Variants in JPH1 observed in about 807,000 individuals in gnomAD.
JPH1 encodes junctophilin-1.
In JPH1, 12 loss-of-function variants were observed where a neutral mutation model predicts 53.6. That is an observed-to-expected ratio of 0.22 (90% confidence interval 0.14 to 0.36). The LOEUF (loss-of-function observed/expected upper bound fraction) is 0.36. JPH1 is among the 10% of genes least tolerant of loss of function. The probability of loss-of-function intolerance (pLI) is 1.00; values close to 1 mark genes in which losing one functional copy is unlikely to be tolerated. For synonymous variants in JPH1, 375 were observed against 363.8 expected (o/e 1.03, Z -0.35); for missense variants, 808 against 905.5 (o/e 0.89, Z 1.38).
At position 74,320,123 on chromosome 8, in the gene JPH1, G is replaced by A. The variant is rs1248513183; in HGVS notation, c.379+786C>T. 3.9e-5 allele frequency among the ~76,000 whole-genome samples: 6 copies of A among 152,162 alleles called. No homozygotes were observed. The East Asian group carries it at 9.6e-4, about 24-fold the overall frequency. ...ACTTAGCAGCTATAGGAACACACCT[G>A]CTAATTGTATTCTTTAAAATGTAGA... On this transcript the variant is annotated intron_variant, in intron 1 of 5. Transcript: ENST00000342232. The surrounding 1 kb of genome is among the most constrained non-coding windows in gnomAD (Gnocchi z 4.4).
intron 2 of JPH1, among the ~76,000 whole-genome samples, chr8:74,291,924 G>C (rs1392200761): frequency 1.3e-5 from 2 of 152,090 alleles, no homozygotes; most frequent in Non-Finnish European, 2.9e-5. Flanking sequence ...ACTATCGCAA[G>C]GACAGAAAAC....
chr8:74,289,528 T>C (rs1018776189), intron 2 of JPH1, among the ~76,000 whole-genome samples: 3 of 152,164 alleles, frequency 2.0e-5, no homozygotes, highest in African/African-American at 7.2e-5. Flanking sequence ...AGCACCTGTA[T>C]TGGTGCCCTT....
chr8:74,302,056 T>C (rs1023522155), intron 2 of JPH1, among the ~76,000 whole-genome samples: 1 of 152,160 alleles, frequency 6.6e-6, no homozygotes, highest in Non-Finnish European at 1.5e-5. Context: ...ACTCACAGGG[T>C]TGCCATGGGG....
intron 3 of JPH1, among the ~76,000 whole-genome samples, chr8:74,258,023 A>G (rs926803781): frequency 6.6e-6 from 1 of 152,158 alleles, no homozygotes; most frequent in African/African-American, 2.4e-5. Flanking sequence ...ATTATAGCCA[A>G]GTTTCTAGCT....
chr8:74,302,122 T>G (rs1185560187), intron 2 of JPH1, among the ~76,000 whole-genome samples: 1 of 152,194 alleles, frequency 6.6e-6, no homozygotes, highest in Non-Finnish European at 1.5e-5. Context: ...TCAAGACCTG[T>G]TGGGTCTTTT....
intron 2 of JPH1, among the ~76,000 whole-genome samples, chr8:74,280,667 T>G (rs1013442785): frequency 6.6e-6 from 1 of 152,190 alleles, no homozygotes; most frequent in Non-Finnish European, 1.5e-5. Context: ...AGAGGGTAAC[T>G]AACCAGAAGA....
At chr8:74,287,419 CA>C (rs5892447) in intron 2 of JPH1, among the ~76,000 whole-genome samples, 2,086 of 122,118 alleles carry the variant, frequency 0.017, 21 homozygotes, top group East Asian at 0.11. Flanking sequence ...GACTCTGTCT[CA>C]AAAAAAAAAA....
chr8:74,244,247 G>T (rs199556672), intron 4 of JPH1, among the ~76,000 whole-genome samples: 116 of 152,256 alleles, frequency 7.6e-4, no homozygotes, highest in East Asian at 3.3e-3. Context: ...TTAAAGCCTT[G>T]CTAAAATGTG....
intron 2 of JPH1, among the ~76,000 whole-genome samples, chr8:74,311,968 T>C (rs992145779): frequency 4.4e-4 from 67 of 152,224 alleles, no homozygotes; most frequent in Admixed American, 8.5e-4. Context: ...GTGAATAATT[T>C]TTAAGGGTTT....
chr8:74,263,001 C>T (rs187081075), intron 2 of JPH1, among the ~76,000 whole-genome samples: 58 of 152,344 alleles, frequency 3.8e-4, no homozygotes, highest in Middle Eastern at 3.4e-3. Flanking sequence ...GTTTTATGAG[C>T]TCTCTAGTTG....
rs1227094861 is a variant in JPH1 at position 74,315,495 on chromosome 8, C to T, written c.505G>A (p.Glu169Lys). 1 of 1,605,872 alleles carries T rather than the reference C, an allele frequency of 6.2e-7. No individual in the cohort carries two copies. Among genetic ancestry groups the T allele is most frequent in the African/African-American group, 1.3e-5 (1 of 74,658 alleles). The part of the protein sequence containing the change: ...LRTSLASLRS[E>K]QSNGSVLHDA... Reference sequence around the variant, plus strand: ...TGGAGCACGCTGCCATTGCTCTGCTCGCTGCGCAGCGAGGCCAGCGAGGTA... The same window carrying T: ...TGGAGCACGCTGCCATTGCTCTGCTTGCTGCGCAGCGAGGCCAGCGAGGTA... Residue 169 changes from glutamate (E) to lysine (K), a missense_variant, in exon 2 of 6, where the codon GAG becomes AAG. Coordinates refer to ENST00000342232, the MANE Select transcript of JPH1 (RefSeq NM_020647.4). This position sits in a 1 kb window ranked among gnomAD's most constrained non-coding sequence, Gnocchi z 6.3.
chr8:74,286,039 C>T (rs568612013), intron 2 of JPH1, among the ~76,000 whole-genome samples: 1 of 152,258 alleles, frequency 6.6e-6, no homozygotes, highest in Non-Finnish European at 1.5e-5. Context: ...AAAATCATCA[C>T]TTGTAAATAC....
intron 2 of JPH1, among the ~76,000 whole-genome samples, chr8:74,264,358 A>ATT (rs1386280589): frequency 6.6e-6 from 1 of 152,202 alleles, no homozygotes; most frequent in Non-Finnish European, 1.5e-5. Flanking sequence ...TTAAGACAGA[A>ATT]TTCTTATGTC....
intron 3 of JPH1, among the ~76,000 whole-genome samples, chr8:74,246,433 C>G (rs1235317099): frequency 1.3e-5 from 2 of 152,178 alleles, no homozygotes; most frequent in African/African-American, 4.8e-5. Context: ...ATACTGCACA[C>G]TTACACTTGT....
chr8:74,271,097 T>C (rs1182834532), intron 2 of JPH1, among the ~76,000 whole-genome samples: 1 of 152,302 alleles, frequency 6.6e-6, no homozygotes, highest in East Asian at 1.9e-4. Context: ...ACGGGAATGT[T>C]GCACATCCCC....
intron 2 of JPH1, among the ~76,000 whole-genome samples, chr8:74,260,761 C>T (rs1477874273): frequency 1.3e-5 from 2 of 152,066 alleles, no homozygotes; most frequent in South Asian, 2.1e-4. Context: ...GGTAGGAGGC[C>T]CCCTTTTCAC....
intron 2 of JPH1, among the ~76,000 whole-genome samples, chr8:74,311,834 T>C (rs990232818): frequency 6.6e-6 from 1 of 152,060 alleles, no homozygotes; most frequent in Non-Finnish European, 1.5e-5. Flanking sequence ...TCCATGTCCC[T>C]ACAAAGGACA....
At position 74,244,819 on chromosome 8, in the gene JPH1, G is replaced by A. The variant is rs1407701606; in HGVS notation, c.1615C>T (p.Pro539Ser). The A allele has an allele frequency of 6.2e-7, 1 of 1,614,194 alleles. No individual in the cohort carries two copies. ...QSKYSGRHHIPNPSNGELHSQ... is the reference protein window; with the variant it reads ...QSKYSGRHHISNPSNGELHSQ... ...TGCAGCTCCCCGTTACTGGGGTTGG[G>A]GATGTGGTGGCGGCCAGAGTACTTG... The change falls in exon 4 of 6, where the codon CCC (proline) becomes TCC (serine). Residue 539 changes from proline (P) to serine (S), a missense_variant. Transcript: ENST00000342232.
At chr8:74,300,299 G>A (rs1807639128) in intron 2 of JPH1, among the ~76,000 whole-genome samples, 1 of 152,182 alleles carries the variant, frequency 6.6e-6, no homozygotes, top group Non-Finnish European at 1.5e-5. Context: ...ATGTGGCAGA[G>A]CACTAATAAA....
Sources: allele counts gnomAD v4.1 joint callset (sites outside exome capture counted in the v4.1 genomes callset), GRCh38; gene constraint gnomAD v4.1.1; non-coding constraint Gnocchi (gnomAD v3.1); transcripts MANE v1.5; gene names NCBI Gene and HGNC (gene_info 2026-07-23, HGNC 2026-07-21).